The following RBL1 variants were observed in gnomAD, a reference collection of about 807,000 sequenced individuals.
RBL1 encodes RB transcriptional corepressor like 1.
RBL1 carries 82 observed loss-of-function variants against 123.0 expected under a neutral mutation model. That is an observed-to-expected ratio of 0.67 (90% CI 0.56 to 0.80). The LOEUF is 0.80. RBL1 is among the 30% of genes least tolerant of loss of function. RBL1 has a pLI of 0.00. For synonymous variants in RBL1, 405 were observed against 441.3 expected, an observed-to-expected ratio of 0.92 and a Z score of 1.03; for missense variants, 1,171 against 1,299.6, an observed-to-expected ratio of 0.90 and a Z score of 1.52.
In RBL1 at chr20:37,095,952, C is replaced by G; in HGVS notation, c.-24G>C. On this transcript the variant is annotated 5_prime_UTR_variant, in exon 1 of 22. Transcript: ENST00000373664. ...ATCCCTTCAGGCCCCGCGGGCTGCG[C>G]GCCACGGCCCCCGACTTCTTTCTCC... 1 of 1,490,070 alleles carries G rather than the reference C, an allele frequency of 6.7e-7. No individual in the cohort carries two copies. Among genetic ancestry groups the G allele is most frequent in the Non-Finnish European group, 9.0e-7 (1 of 1,112,366 alleles). The allele number at this position is 1,490,070 out of a possible 1,614,324, so 92.3% of individuals were successfully genotyped here. A position where few individuals can be genotyped will look rare whatever the true frequency, so the allele number is the denominator to read the frequency against.
At chr20:37,010,188 T>G (rs2064129737) in intron 19 of RBL1, among the ~76,000 whole-genome samples, 1 of 151,776 alleles carries the variant, frequency 6.6e-6, no homozygotes, top group Non-Finnish European at 1.5e-5. Context: ...TGAGACCCCA[T>G]CTCGGTCTCC....
Position 37,095,893 on chromosome 20 carries a change from C to G in RBL1, c.36G>C (p.Ala12=), listed in dbSNP as rs777564233. 6.2e-7 allele frequency: 1 copy of G among 1,602,710 alleles called. No individual in the cohort carries two copies. Among genetic ancestry groups the G allele is most frequent in the Non-Finnish European group, 8.5e-7 (1 of 1,175,640 alleles). Residue 12 remains alanine, a synonymous_variant, in exon 1 of 22, where the codon GCG becomes GCC. Transcript: ENST00000373664. ...GCGCCTCCCCGGCTGCGGCGACCAC[C>G]GCCGCCCCCTCAGCGTGGGGCTTGT... ...FEDKPHAEGA[A]VVAAAGEALQ... is the part of the protein sequence containing the mutation.
chr20:37,025,424 G>A (rs934259673), intron 16 of RBL1, among the ~76,000 whole-genome samples: 1 of 152,082 alleles, frequency 6.6e-6, no homozygotes, highest in African/African-American at 2.4e-5. Flanking sequence ...GGAGGCTGAG[G>A]TGAGAGGATC....
chr20:37,033,523 C>T (rs2064549769), intron 15 of RBL1, among the ~76,000 whole-genome samples: 2 of 151,086 alleles, frequency 1.3e-5, no homozygotes, highest in African/African-American at 4.9e-5. Flanking sequence ...CCATGTTGCC[C>T]AGGTTAGTCT....
intron 1 of RBL1, 60 bp downstream of exon 1, chr20:37,095,713 C>CG: frequency 2.1e-6 from 3 of 1,430,124 alleles, no homozygotes; most frequent in Non-Finnish European, 2.8e-6. Context: ...GAGGAAGGGG[C>CG]GGGGCAGGGG....
intron 11 of RBL1, among the ~76,000 whole-genome samples, chr20:37,051,939 G>A (rs1384827651): frequency 6.6e-6 from 1 of 151,782 alleles, no homozygotes; most frequent in African/African-American, 2.4e-5. Flanking sequence ...AAACATTAAT[G>A]AAAAGAAGGC....
intron 13 of RBL1, among the ~76,000 whole-genome samples, chr20:37,041,701 T>C (rs1255011325): frequency 6.6e-6 from 1 of 152,158 alleles, no homozygotes; most frequent in African/African-American, 2.4e-5. Flanking sequence ...AATTTTTAAG[T>C]AAGTTTAATG....
intron 2 of RBL1, among the ~76,000 whole-genome samples, chr20:37,088,513 C>T (rs1229499980): frequency 6.6e-6 from 1 of 151,800 alleles, no homozygotes; most frequent in African/African-American, 2.4e-5. Context: ...TTGAGAAAGG[C>T]AGAGAAAGAA....
chr20:37,054,282 A>T (rs749524684), intron 11 of RBL1, among the ~76,000 whole-genome samples: 7 of 152,128 alleles, frequency 4.6e-5, no homozygotes, highest in Non-Finnish European at 1.0e-4. Context: ...CAGGAGTTCA[A>T]GACCAGCCTG....
At chr20:37,072,353 A>G (rs2065295151) in intron 2 of RBL1, among the ~76,000 whole-genome samples, 1 of 152,156 alleles carries the variant, frequency 6.6e-6, no homozygotes, top group African/African-American at 2.4e-5. Flanking sequence ...CTGTAGTCCC[A>G]GCTACTCCGG....
chr20:37,014,187 C>T (rs1337179710), intron 19 of RBL1, among the ~76,000 whole-genome samples: 1 of 151,716 alleles, frequency 6.6e-6, no homozygotes, highest in Admixed American at 6.6e-5. Flanking sequence ...AAGCCAACCT[C>T]CCAATTCAGC....
chr20:37,008,995 G>GT (rs1417469649), intron 19 of RBL1, among the ~76,000 whole-genome samples: 2 of 151,578 alleles, frequency 1.3e-5, no homozygotes, highest in African/African-American at 4.8e-5. Context: ...TACTTCCCCA[G>GT]TTTTTTGTGT....
chr20:37,090,892 C>G (rs7260768), intron 1 of RBL1, among the ~76,000 whole-genome samples: 1 of 152,124 alleles, frequency 6.6e-6, no homozygotes, highest in Non-Finnish European at 1.5e-5. Context: ...CTGCAGCACA[C>G]GACTGTAGTA....
At chr20:37,091,173 GT>G (rs2065639893) in intron 1 of RBL1, among the ~76,000 whole-genome samples, 1 of 151,946 alleles carries the variant, frequency 6.6e-6, no homozygotes, top group Non-Finnish European at 1.5e-5. Flanking sequence ...CCTGGCCAAT[GT>G]GGCGAAACCC....
At chr20:37,003,495 C>T in intron 21 of RBL1, 1 of 1,021,270 alleles carries the variant, frequency 9.8e-7, no homozygotes, top group Non-Finnish European at 1.2e-6. Flanking sequence ...TCAAAGTGAA[C>T]TCCACAAATA....
At chr20:37,034,113 T>G (rs953657231) in intron 15 of RBL1, among the ~76,000 whole-genome samples, 1 of 151,900 alleles carries the variant, frequency 6.6e-6, no homozygotes, top group African/African-American at 2.4e-5. Context: ...TAATTTAATT[T>G]TTTGTAGAGA....
At chr20:37,021,430 T>C (rs190997608) in intron 17 of RBL1, among the ~76,000 whole-genome samples, 2 of 152,096 alleles carry the variant, frequency 1.3e-5, no homozygotes, top group East Asian at 1.9e-4. Flanking sequence ...GTAACATTTA[T>C]CTTTTAATTT....
Position 37,047,136 on chromosome 20 carries a change from T to G in RBL1, c.1522A>C (p.Ile508Leu). ...GGTGAGCTATAGGCAAAGAGCACAA[T>G]TTCCAAACAACAAGCCATCAAGGAA... ...HRSLMACCLE[I>L]VLFAYSSPRT... is the part of the protein sequence containing the mutation. Residue 508 changes from isoleucine to leucine, a missense_variant, in exon 12 of 22, where the codon ATT becomes CTT. Physicochemically the swap from Ile to Leu is conservative, Grantham distance 5. Transcript: ENST00000373664. 1 of 1,606,170 alleles carries G rather than the reference T, an allele frequency of 6.2e-7. No individual in the cohort carries two copies. Among genetic ancestry groups the G allele is most frequent in the Admixed American group, 1.7e-5 (1 of 57,220 alleles).
intron 7 of RBL1, among the ~76,000 whole-genome samples, chr20:37,064,702 T>A (rs1279683687): frequency 6.6e-6 from 1 of 152,082 alleles, no homozygotes; most frequent in African/African-American, 2.4e-5. Context: ...CTCTGCCTCC[T>A]GGGTTCAAGT....
Sources: allele counts gnomAD v4.1 joint callset (sites outside exome capture counted in the v4.1 genomes callset), GRCh38; gene constraint gnomAD v4.1.1; transcripts MANE v1.5; gene names NCBI Gene and HGNC (gene_info 2026-07-23, HGNC 2026-07-21).